The following FMN2 variants were observed in gnomAD, a reference collection of about 807,000 sequenced individuals.
FMN2 encodes formin-2.
FMN2 carries 51 observed loss-of-function variants against 142.3 expected under a neutral mutation model. That is an observed-to-expected ratio of 0.36 (90% confidence interval 0.29 to 0.45). FMN2 has a LOEUF of 0.45. Among genes scored for constraint, FMN2 ranks in the 20% least tolerant of loss-of-function variants. The pLI is 1.00. For synonymous variants in FMN2, 882 were observed against 869.8 expected (o/e 1.01, Z -0.25); for missense variants, 1,936 against 2,122.8 (o/e 0.91, Z 1.73).
At chr1:240,395,162 G>T (rs116551401) in intron 15 of FMN2, among the ~76,000 whole-genome samples, 3,232 of 152,094 alleles carry the variant, frequency 0.021, 117 homozygotes, top group African/African-American at 0.073. Flanking sequence ...AACAAAGCCT[G>T]CACATCTGTT....
intron 4 of FMN2, among the ~76,000 whole-genome samples, chr1:240,194,873 A>G (rs1020709): frequency 0.71 from 107,276 of 152,116 alleles, 38,606 homozygotes; most frequent in African/African-American, 0.83. Flanking sequence ...TTAGAATTTA[A>G]GAATAGCATT....
intron 15 of FMN2, among the ~76,000 whole-genome samples, chr1:240,434,389 G>A (rs1378259714): frequency 6.6e-6 from 1 of 152,070 alleles, no homozygotes; most frequent in Non-Finnish European, 1.5e-5. Context: ...CACCACCCAA[G>A]TGGGTCTCTT....
intron 6 of FMN2, among the ~76,000 whole-genome samples, chr1:240,231,740 G>A (rs1250552349): frequency 1.3e-5 from 2 of 152,184 alleles, no homozygotes; most frequent in Non-Finnish European, 2.9e-5. Context: ...ACAGCATAAA[G>A]AGCTTATGTA....
chr1:240,423,015 A>G (rs919171293), intron 15 of FMN2, among the ~76,000 whole-genome samples: 20 of 152,298 alleles, frequency 1.3e-4, no homozygotes, highest in Middle Eastern at 3.4e-3. Flanking sequence ...CTGAAGGTGT[A>G]AGTACCACAG....
At chr1:240,417,144 G>T (rs577773475) in intron 15 of FMN2, among the ~76,000 whole-genome samples, 1 of 147,862 alleles carries the variant, frequency 6.8e-6, no homozygotes, top group African/African-American at 2.5e-5. Context: ...CACTTAGTTT[G>T]GGATCTAGTA....
At position 240,241,825 on chromosome 1, in the gene FMN2, C is replaced by CTTTTTTTTTTTTTTTTTTTTTTTTTTTT. The variant is rs71567282; in HGVS notation, c.4066-16118_4066-16091dup. 1.1e-4 allele frequency among the ~76,000 whole-genome samples: 11 copies of CTTTTTTTTTTTTTTTTTTTTTTTTTTTT among 96,236 alleles called. 2 individuals are homozygous for CTTTTTTTTTTTTTTTTTTTTTTTTTTTT. Among genetic ancestry groups the CTTTTTTTTTTTTTTTTTTTTTTTTTTTT allele is most frequent in the African/African-American group, 3.4e-4 (9 of 26,330 alleles). The allele number at this position is 96,236 out of a possible 152,430, so 63.1% of individuals were successfully genotyped here. On this transcript the variant is annotated intron_variant, in intron 6 of 17. Transcript: ENST00000319653. ...ATTTTCTTTATTTTAGTGTGCCTTG[C>CTTTTTTTTTTTTTTTTTTTTTTTTTTTT]TTTTTTTTTTTTTTTTTTTTTTTTT...
At chr1:240,121,734 G>GT (rs1491071273) in intron 1 of FMN2, among the ~76,000 whole-genome samples, 1 of 6,602 alleles carries the variant, frequency 1.5e-4, no homozygotes. Context: ...TAGGGAAATA[G>GT]TAAAAAAAAA....
intron 14 of FMN2, among the ~76,000 whole-genome samples, chr1:240,373,519 G>T (rs1314151303): frequency 6.6e-6 from 1 of 152,022 alleles, no homozygotes; most frequent in Non-Finnish European, 1.5e-5. Context: ...ATCTTTTCTT[G>T]TCATTTCAAC....
chr1:240,214,537 T>G, intron 6 of FMN2, among the ~76,000 whole-genome samples: 2 of 127,490 alleles, frequency 1.6e-5, no homozygotes, highest in East Asian at 2.2e-4. Flanking sequence ...GGCAATAGAG[T>G]GAGACTCCAT....
intron 16 of FMN2, among the ~76,000 whole-genome samples, chr1:240,450,953 A>G (rs1337139024): frequency 6.6e-6 from 1 of 152,226 alleles, no homozygotes; most frequent in East Asian, 1.9e-4. Context: ...ATGAAGGTTA[A>G]CAGGACAACA....
chr1:240,377,908 A>G (rs1032197640), intron 14 of FMN2, among the ~76,000 whole-genome samples: 25 of 152,208 alleles, frequency 1.6e-4, no homozygotes, highest in African/African-American at 6.0e-4. Context: ...TAACATATTC[A>G]TAGCTGGGGA....
chr1:240,338,707 A>T (rs1274645660), intron 13 of FMN2, among the ~76,000 whole-genome samples: 1 of 152,114 alleles, frequency 6.6e-6, no homozygotes, highest in East Asian at 1.9e-4. Flanking sequence ...GGCAATAGGG[A>T]CCAGTTTCAT....
intron 6 of FMN2, among the ~76,000 whole-genome samples, chr1:240,252,953 CTTTTTT>C (rs59902639): frequency 0.017 from 1,120 of 65,386 alleles, 138 homozygotes; most frequent in African/African-American, 0.074. Context: ...GTCTTGTTCA[CTTTTTT>C]TTTTTTTTTT....
intron 4 of FMN2, among the ~76,000 whole-genome samples, chr1:240,190,264 G>C (rs61830704): frequency 0.11 from 16,357 of 152,214 alleles, 1,367 homozygotes; most frequent in African/African-American, 0.23. Flanking sequence ...ACAGTGAAGT[G>C]TCTGGAAGTC....
chr1:240,434,708 C>T (rs1254791599), intron 15 of FMN2, among the ~76,000 whole-genome samples: 2 of 149,694 alleles, frequency 1.3e-5, no homozygotes, highest in Non-Finnish European at 3.0e-5. Flanking sequence ...ATTACAGGCA[C>T]CCACAACCAC....
At chr1:240,170,364 G>C in intron 2 of FMN2, 1 of 1,178,776 alleles carries the variant, frequency 8.5e-7, no homozygotes, top group Non-Finnish European at 1.3e-6. Context: ...CAGTGATCTT[G>C]GGACATGAAG....
intron 14 of FMN2, among the ~76,000 whole-genome samples, chr1:240,361,184 T>TATATATAA (rs1234608765): frequency 1.9e-5 from 2 of 102,744 alleles, no homozygotes; most frequent in Non-Finnish European, 4.4e-5. Flanking sequence ...TATATATATA[T>TATATATAA]AAAAGAGTTT....
intron 11 of FMN2, among the ~76,000 whole-genome samples, chr1:240,332,555 G>T (rs1213706947): frequency 2.6e-5 from 4 of 152,082 alleles, no homozygotes; most frequent in Non-Finnish European, 5.9e-5. Flanking sequence ...GAGATTATTT[G>T]TGGGACTTTT....
chr1:240,220,173 CT>C (rs927450022), intron 6 of FMN2, among the ~76,000 whole-genome samples: 3 of 152,010 alleles, frequency 2.0e-5, no homozygotes, highest in Non-Finnish European at 4.4e-5. Flanking sequence ...TGTAAAATCT[CT>C]GAAAATTGTC....
Sources: allele counts gnomAD v4.1 joint callset (sites outside exome capture counted in the v4.1 genomes callset), GRCh38; gene constraint gnomAD v4.1.1; transcripts MANE v1.5; gene names NCBI Gene and HGNC (gene_info 2026-07-23, HGNC 2026-07-21).